USH2A: variants seen among roughly 807,000 people sequenced by gnomAD.
USH2A encodes the protein usherin.
In USH2A, 443 loss-of-function variants were observed where a neutral mutation model predicts 538.9. That is an observed-to-expected ratio of 0.82 (90% CI 0.76 to 0.89). USH2A has a LOEUF of 0.89. USH2A is among the 40% of genes least tolerant of loss of function. The pLI, the probability that USH2A is intolerant of heterozygous loss-of-function variation, is 0.00. For synonymous variants in USH2A, 2,413 were observed against 2,273.5 expected, an observed-to-expected ratio of 1.06 and a Z score of -1.75; for missense variants, 6,633 against 6,324.8, an observed-to-expected ratio of 1.05 and a Z score of -1.65.
intron 38 of USH2A, among the ~76,000 whole-genome samples, chr1:215,911,585 T>A (rs1033809567): frequency 2.6e-5 from 4 of 152,096 alleles, no homozygotes; most frequent in Non-Finnish European, 5.9e-5. Flanking sequence ...ATGTACCACA[T>A]TTTGTTTATC....
intron 37 of USH2A, among the ~76,000 whole-genome samples, chr1:215,948,995 A>G (rs1311326118): frequency 6.6e-6 from 1 of 152,106 alleles, no homozygotes; most frequent in Non-Finnish European, 1.5e-5. Context: ...TGTTATATCC[A>G]GCTAAGTTCA....
At chr1:216,414,406 A>C (rs1263790659) in intron 3 of USH2A, among the ~76,000 whole-genome samples, 1 of 152,132 alleles carries the variant, frequency 6.6e-6, no homozygotes, top group Non-Finnish European at 1.5e-5. Flanking sequence ...TACCATAGCA[A>C]TATTGAGCAT....
At chr1:216,118,801 T>C (rs1372482135) in intron 21 of USH2A, among the ~76,000 whole-genome samples, 1 of 152,256 alleles carries the variant, frequency 6.6e-6, no homozygotes, top group Non-Finnish European at 1.5e-5. Flanking sequence ...CAGTTCATCC[T>C]GTCAGCCACC....
chr1:216,373,941 A>C (rs1027795975), intron 3 of USH2A, among the ~76,000 whole-genome samples: 1 of 152,090 alleles, frequency 6.6e-6, no homozygotes, highest in Non-Finnish European at 1.5e-5. Context: ...TGATGAGTTC[A>C]TGTCCTTTGT....
At chr1:216,325,259 G>A in intron 6 of USH2A, 46 bp downstream of exon 6, 1 of 1,595,606 alleles carries the variant, frequency 6.3e-7, no homozygotes, top group Non-Finnish European at 8.6e-7. Flanking sequence ...GGCATTTGTT[G>A]CAATAACCAC....
intron 13 of USH2A, among the ~76,000 whole-genome samples, chr1:216,235,398 G>A (rs774934653): frequency 2.0e-5 from 3 of 152,088 alleles, no homozygotes; most frequent in Non-Finnish European, 2.9e-5. Flanking sequence ...GCATTACGTA[G>A]TGCTGAGAGT....
At chr1:215,938,283 A>G (rs974946303) in intron 37 of USH2A, among the ~76,000 whole-genome samples, 2 of 152,104 alleles carry the variant, frequency 1.3e-5, no homozygotes, top group Non-Finnish European at 2.9e-5. Flanking sequence ...TCAGCCCTCA[A>G]TGAAGCTCAA....
rs1667327783 is a variant in USH2A at position 215,965,780 on chromosome 1, G to C, written c.6958-301C>G. Among the ~76,000 whole-genome samples the C allele has an allele frequency of 2.0e-5, 3 of 152,064 alleles. No homozygotes were observed. In the South Asian group the frequency reaches 6.2e-4, roughly 31 times the overall value. The stretch of plus-strand genomic sequence containing the variant: ...TGTACATATCCATAGACCAATTCTA[G>C]GACTGCTTTAAAATAATTTTTATGT... On this transcript the variant is annotated intron_variant, in intron 36 of 71. Transcript: ENST00000307340.
intron 9 of USH2A, among the ~76,000 whole-genome samples, chr1:216,304,357 A>C (rs2037273162): frequency 6.6e-6 from 1 of 152,008 alleles, no homozygotes; most frequent in Admixed American, 6.6e-5. Flanking sequence ...CATGTCTTCC[A>C]GTCACAAATT....
At chr1:215,770,277 T>C (rs530262132) in intron 55 of USH2A, among the ~76,000 whole-genome samples, 96 of 152,196 alleles carry the variant, frequency 6.3e-4, no homozygotes, top group Non-Finnish European at 1.2e-3. Flanking sequence ...AGTTACTCAA[T>C]GGCTGCCTTC....
chr1:216,082,462 TAA>T (rs75095481), intron 26 of USH2A, among the ~76,000 whole-genome samples: 42 of 132,512 alleles, frequency 3.2e-4, no homozygotes, highest in South Asian at 4.8e-4. Flanking sequence ...CTAGGAATGT[TAA>T]AAAAAAAAAA....
At position 216,292,160 on chromosome 1, in the gene USH2A, T is replaced by G; in HGVS notation, c.1840+15A>C. The G allele has an allele frequency of 6.2e-7, 1 of 1,613,868 alleles. No individual in the cohort carries two copies. The highest frequency in any genetic ancestry group is 8.5e-7 in the Non-Finnish European group (1 of 1,179,816). On this transcript the variant is annotated intron_variant, in intron 10 of 71. Transcript: ENST00000307340. The stretch of plus-strand genomic sequence containing the variant: ...CAGGCCTCCAAACCAACTCAGGAAT[T>G]TATTTGCTACTTACCTGTAGTGTTA...
chr1:216,244,253 C>A (rs2035991635), intron 13 of USH2A, among the ~76,000 whole-genome samples: 1 of 152,050 alleles, frequency 6.6e-6, no homozygotes, highest in Non-Finnish European at 1.5e-5. Context: ...ATGTGTAGCT[C>A]CAGTGAAGTG....
intron 35 of USH2A, among the ~76,000 whole-genome samples, chr1:215,991,886 T>C (rs1668011522): frequency 1.3e-5 from 2 of 152,168 alleles, no homozygotes; most frequent in African/African-American, 4.8e-5. Context: ...CTAGGGTACT[T>C]TGTGAAGTAA....
At chr1:216,182,171 A>G (rs1358014756) in intron 20 of USH2A, among the ~76,000 whole-genome samples, 1 of 152,114 alleles carries the variant, frequency 6.6e-6, no homozygotes, top group African/African-American at 2.4e-5. Flanking sequence ...GTATTTTCCT[A>G]AAGATGTCAC....
intron 21 of USH2A, among the ~76,000 whole-genome samples, chr1:216,170,719 C>T (rs2034261104): frequency 6.6e-6 from 1 of 152,096 alleles, no homozygotes; most frequent in African/African-American, 2.4e-5. Context: ...CAGTATTTTA[C>T]TTGCTGTTTT....
chr1:216,167,238 C>A (rs1475489622), intron 21 of USH2A, among the ~76,000 whole-genome samples: 1 of 152,094 alleles, frequency 6.6e-6, no homozygotes, highest in African/African-American at 2.4e-5. Flanking sequence ...CCGCCCCCCA[C>A]AACGCCCCAC....
At chr1:215,672,775 ACT>A (rs2102663192) in intron 63 of USH2A, among the ~76,000 whole-genome samples, 1 of 152,322 alleles carries the variant, frequency 6.6e-6, no homozygotes, top group Admixed American at 6.5e-5. Context: ...TAGAAGTGAT[ACT>A]CTGTTTTATG....
chr1:216,181,123 G>A (rs1468887072), intron 20 of USH2A, among the ~76,000 whole-genome samples: 1 of 152,074 alleles, frequency 6.6e-6, no homozygotes, highest in African/African-American at 2.4e-5. Flanking sequence ...CTTCAGGAGA[G>A]GATATTACTA....
Sources: gnomAD v4.1 joint callset for allele counts (sites outside exome capture counted in the v4.1 genomes callset) on GRCh38, gnomAD v4.1.1 for gene constraint, MANE v1.5 for transcripts, NCBI Gene and HGNC (gene_info 2026-07-23, HGNC 2026-07-21) for gene names.